TMEM132C: variants seen among roughly 807,000 people sequenced by gnomAD.
TMEM132C encodes the protein transmembrane protein 132C, also known as protein phosphatase 1, regulatory subunit 152.
In TMEM132C, 29 loss-of-function variants were observed where a neutral mutation model predicts 61.4. The observed-to-expected ratio is 0.47, with a 90% CI of 0.35 to 0.64. The LOEUF (loss-of-function observed/expected upper bound fraction) is 0.64, where lower values mean the gene tolerates loss of function less well. Among genes scored for constraint, TMEM132C ranks in the 30% least tolerant of loss-of-function variants. The probability of loss-of-function intolerance (pLI) is 0.00; values close to 1 mark genes in which losing one functional copy is unlikely to be tolerated. For missense variants in TMEM132C, 1,408 were observed against 1,476.9 expected (o/e 0.95, Z 0.76); for synonymous variants, 656 against 633.1 (o/e 1.04, Z -0.54).
chr12:128,570,959 C>G lies in TMEM132C; in HGVS notation c.1121+26856C>G, dbSNP rs1327858601. On this transcript the variant is annotated intron_variant, in intron 3 of 8. Transcript: ENST00000435159. The surrounding 1 kb of genome is among the most constrained non-coding windows in gnomAD (Gnocchi z 4.7). ...TGGCACGTTACCACCCTGAAAAGAT[C>G]AGGGCTTTGTTAGCAAGAAAGAAGA... 6.6e-6 allele frequency among the ~76,000 whole-genome samples: 1 copy of G among 152,120 alleles called. No homozygotes were observed. Among genetic ancestry groups the G allele is most frequent in the Non-Finnish European group, 1.5e-5 (1 of 68,028 alleles).
intron 1 of TMEM132C, among the ~76,000 whole-genome samples, chr12:128,394,123 G>C (rs2136002986): frequency 6.6e-6 from 1 of 152,262 alleles, no homozygotes; most frequent in Middle Eastern, 3.4e-3. Flanking sequence ...TTACATGGCG[G>C]CAGACAAAAG....
chr12:128,481,908 C>T lies in TMEM132C; in HGVS notation c.975-62049C>T, dbSNP rs573517455. On this transcript the variant is annotated intron_variant, in intron 2 of 8. Coordinates refer to ENST00000435159, the MANE Select transcript of TMEM132C (RefSeq NM_001136103.3). Reference sequence around the variant, plus strand: ...TTGCAAAGCTGCTGAGAAGCCTTTGCAGAACCCTGGAGCATGTGGAAGGTA... The same window carrying T: ...TTGCAAAGCTGCTGAGAAGCCTTTGTAGAACCCTGGAGCATGTGGAAGGTA... 2.0e-5 allele frequency among the ~76,000 whole-genome samples: 3 copies of T among 152,266 alleles called. No individual in the cohort carries two copies. The South Asian group carries it at 6.2e-4, about 32-fold the overall frequency.
chr12:128,458,280 T>C (rs990292369), intron 2 of TMEM132C, among the ~76,000 whole-genome samples: 1 of 90,964 alleles, frequency 1.1e-5, no homozygotes, highest in African/African-American at 4.3e-5. Flanking sequence ...AATTATAATA[T>C]TTAGTATTGT....
intron 2 of TMEM132C, among the ~76,000 whole-genome samples, chr12:128,542,584 G>A (rs1873795126): frequency 6.6e-6 from 1 of 152,114 alleles, no homozygotes; most frequent in Non-Finnish European, 1.5e-5. Context: ...GGGATTGGCC[G>A]GACGCAGTGG....
intron 2 of TMEM132C, among the ~76,000 whole-genome samples, chr12:128,460,521 T>C (rs1052608251): frequency 3.3e-5 from 5 of 152,040 alleles, no homozygotes; most frequent in Non-Finnish European, 5.9e-5. Flanking sequence ...TTAGTATCGT[T>C]CTCACCCCGA....
chr12:128,450,422 C>T (rs1870138379), intron 2 of TMEM132C, among the ~76,000 whole-genome samples: 1 of 152,138 alleles, frequency 6.6e-6, no homozygotes, highest in Middle Eastern at 3.2e-3. Flanking sequence ...ATGTTTCTCA[C>T]TGTTTTATTT....
At chr12:128,615,873 G>C (rs976976399) in intron 3 of TMEM132C, among the ~76,000 whole-genome samples, 1 of 152,234 alleles carries the variant, frequency 6.6e-6, no homozygotes, top group Non-Finnish European at 1.5e-5. Flanking sequence ...ATCATCTGCA[G>C]AGCTGGTAAT....
chr12:128,502,458 C>T (rs1016410417), intron 2 of TMEM132C, among the ~76,000 whole-genome samples: 25 of 152,308 alleles, frequency 1.6e-4, no homozygotes, highest in South Asian at 8.3e-4. Context: ...ATTTCTTTAA[C>T]TTGGTTACGA....
At chr12:128,684,202 A>G (rs1367910316) in intron 5 of TMEM132C, among the ~76,000 whole-genome samples, 1 of 151,834 alleles carries the variant, frequency 6.6e-6, no homozygotes, top group African/African-American at 2.4e-5. Flanking sequence ...TCTAAATGAA[A>G]TCCTGGTCTC....
At position 128,555,129 on chromosome 12, in the gene TMEM132C, G is replaced by A. The variant is rs61550557; in HGVS notation, c.1121+11026G>A. On this transcript the variant is annotated intron_variant, in intron 3 of 8. Transcript: ENST00000435159. The stretch of plus-strand genomic sequence containing the variant: ...AAGTAAATCAGGCAGGTAATAAAAC[G>A]AGAAGGCTCTTTCCAAAAAAACAAA... Among the ~76,000 whole-genome samples the A allele has an allele frequency of 6.2e-3, 942 of 152,248 alleles. 16 individuals carry two copies. The highest frequency in any genetic ancestry group is 0.022 in the African/African-American group (894 of 41,532).
At chr12:128,653,135 G>A (rs947604996) in intron 4 of TMEM132C, among the ~76,000 whole-genome samples, 2 of 152,114 alleles carry the variant, frequency 1.3e-5, no homozygotes, top group South Asian at 2.1e-4. Context: ...CCACGTGGAC[G>A]AACCTTGAAA....
chr12:128,292,244 A>G (rs187225361), intron 1 of TMEM132C, among the ~76,000 whole-genome samples: 2 of 152,260 alleles, frequency 1.3e-5, no homozygotes, highest in Admixed American at 1.3e-4. Context: ...CTTGCAGTCA[A>G]AAGAATCGTG....
intron 2 of TMEM132C, among the ~76,000 whole-genome samples, chr12:128,462,877 A>G (rs887809978): frequency 7.2e-5 from 11 of 152,194 alleles, no homozygotes; most frequent in African/African-American, 1.9e-4. Context: ...GAACTCCCCA[A>G]TAACAGCAGT....
intron 2 of TMEM132C, among the ~76,000 whole-genome samples, chr12:128,422,565 G>A (rs1470686778): frequency 3.9e-5 from 6 of 152,248 alleles, no homozygotes; most frequent in African/African-American, 7.2e-5. Flanking sequence ...GTCATAAAGC[G>A]TCACTCCTGA....
chr12:128,573,993 A>T (rs936736189), intron 3 of TMEM132C, among the ~76,000 whole-genome samples: 12 of 152,006 alleles, frequency 7.9e-5, no homozygotes, highest in African/African-American at 2.9e-4. Context: ...GGAAAACTGG[A>T]TGCTGTTATT....
intron 2 of TMEM132C, among the ~76,000 whole-genome samples, chr12:128,515,303 C>T (rs549720838): frequency 1.2e-4 from 18 of 152,184 alleles, no homozygotes; most frequent in Non-Finnish European, 2.2e-4. Context: ...CCTGCATTTA[C>T]CCGTAATAAT....
At chr12:128,297,441 C>T (rs11059634) in intron 1 of TMEM132C, among the ~76,000 whole-genome samples, 14,093 of 152,218 alleles carry the variant, frequency 0.093, 788 homozygotes, top group East Asian at 0.2. Flanking sequence ...AAGTAATTTA[C>T]GGGTGCTATC....
intron 2 of TMEM132C, among the ~76,000 whole-genome samples, chr12:128,505,367 CT>C (rs1565956020): frequency 6.6e-6 from 1 of 152,184 alleles, no homozygotes; most frequent in East Asian, 1.9e-4. Flanking sequence ...TAGGAGGCAT[CT>C]CTAGTGTCAG....
At chr12:128,509,940 T>C (rs1872517063) in intron 2 of TMEM132C, among the ~76,000 whole-genome samples, 1 of 152,234 alleles carries the variant, frequency 6.6e-6, no homozygotes, top group African/African-American at 2.4e-5. Context: ...CTGTCTCCTT[T>C]TTCCTGGTAT....
Sources: allele counts gnomAD v4.1 joint callset (sites outside exome capture counted in the v4.1 genomes callset), GRCh38; gene constraint gnomAD v4.1.1; non-coding constraint Gnocchi (gnomAD v3.1); transcripts MANE v1.5; gene names NCBI Gene and HGNC (gene_info 2026-07-23, HGNC 2026-07-21).